PRKAG2: variants seen among roughly 807,000 people sequenced by gnomAD.
PRKAG2 encodes 5'-AMP-activated protein kinase subunit gamma-2.
Under a neutral mutation model 69.6 loss-of-function variants are expected in PRKAG2, and 26 were observed. The ratio of observed to expected loss-of-function variants is 0.37; its 90% CI spans 0.27 to 0.52. The LOEUF (loss-of-function observed/expected upper bound fraction) is 0.52. PRKAG2 is among the 20% of genes least tolerant of loss of function. The pLI, the probability that PRKAG2 is intolerant of heterozygous loss-of-function variation, is 0.90. For missense variants in PRKAG2, 557 were observed against 740.0 expected (o/e 0.75, Z 2.87); for synonymous variants, 293 against 285.0 (o/e 1.03, Z -0.28).
intron 6 of PRKAG2, among the ~76,000 whole-genome samples, chr7:151,586,211 T>C (rs1413420520): frequency 1.3e-5 from 2 of 152,220 alleles, no homozygotes; most frequent in African/African-American, 4.8e-5. Flanking sequence ...GCTCTGCATC[T>C]CATCCTCTGG....
intron 6 of PRKAG2, among the ~76,000 whole-genome samples, chr7:151,581,250 G>A (rs1810404263): frequency 1.3e-5 from 2 of 152,210 alleles, no homozygotes; most frequent in African/African-American, 4.8e-5. Context: ...AGCAGTAACT[G>A]CATGAAATGA....
intron 3 of PRKAG2, among the ~76,000 whole-genome samples, chr7:151,732,196 G>A (rs1425877577): frequency 2.1e-5 from 3 of 145,384 alleles, no homozygotes; most frequent in Non-Finnish European, 4.5e-5. Context: ...GGAGTGCAGT[G>A]GCATGATCAC....
chr7:151,683,974 C>T (rs1834278120), intron 3 of PRKAG2, among the ~76,000 whole-genome samples: 1 of 152,182 alleles, frequency 6.6e-6, no homozygotes, highest in Non-Finnish European at 1.5e-5. Flanking sequence ...TCTGGCCTGG[C>T]TCCTACACCC....
chr7:151,869,086 T>TA (rs34852782), intron 1 of PRKAG2, among the ~76,000 whole-genome samples: 100,053 of 151,742 alleles, frequency 0.66, 33,376 homozygotes, highest in Middle Eastern at 0.8. Flanking sequence ...GAGGTTTTAT[T>TA]GGGGGGGGCA....
At chr7:151,656,006 C>T (rs183657191) in intron 4 of PRKAG2, among the ~76,000 whole-genome samples, 1 of 152,280 alleles carries the variant, frequency 6.6e-6, no homozygotes, top group African/African-American at 2.4e-5. Context: ...TCATTAACAG[C>T]AATACAGCTG....
chr7:151,570,000 T>C (rs1263715871), intron 10 of PRKAG2, among the ~76,000 whole-genome samples, 171 bp downstream of exon 10: 3 of 152,246 alleles, frequency 2.0e-5, no homozygotes, highest in African/African-American at 7.2e-5. Flanking sequence ...GCAACGGCTG[T>C]GATTTTTGTA....
In PRKAG2 at chr7:151,835,603, C is replaced by A. The variant is rs960305538; in HGVS notation, c.114+40904G>T. Among the ~76,000 whole-genome samples, 4 of 152,178 alleles carry A rather than the reference C, an allele frequency of 2.6e-5. No individual in the cohort carries two copies. The highest frequency in any genetic ancestry group is 9.6e-5 in the African/African-American group (4 of 41,454). ...GGGAGCCTTCCTAAAGGCGTAAGCT[C>A]GCCTTTAGGAACCACTCTCGTTGTG... On this transcript the variant is annotated intron_variant, in intron 1 of 15. Coordinates refer to ENST00000287878, the MANE Select transcript of PRKAG2 (RefSeq NM_016203.4). This position sits in a 1 kb window ranked among gnomAD's most constrained non-coding sequence, Gnocchi z 4.1.
rs573166785 is a variant in PRKAG2, at chr7:151,772,941, C to G, written c.466+8211G>C. On this transcript the variant is annotated intron_variant, in intron 3 of 15. Transcript: ENST00000287878. Reference sequence around the variant, plus strand: ...TTGAGGCTCTGCAGTGATTCTGCCACTGTACTCTGGCCTGGATGACAGAGA... The same window carrying G: ...TTGAGGCTCTGCAGTGATTCTGCCAGTGTACTCTGGCCTGGATGACAGAGA... Among the ~76,000 whole-genome samples, 8 of 150,544 alleles carry G rather than the reference C, an allele frequency of 5.3e-5. No individual in the cohort carries two copies. The East Asian group carries it at 1.4e-3, about 26-fold the overall frequency.
intron 3 of PRKAG2, among the ~76,000 whole-genome samples, chr7:151,675,908 A>G (rs1261473080): frequency 6.6e-6 from 1 of 152,172 alleles, no homozygotes; most frequent in Non-Finnish European, 1.5e-5. Context: ...ATGTTGAGGA[A>G]AAGCTTTAAA....
At chr7:151,664,852 T>C (rs1360760959) in intron 4 of PRKAG2, among the ~76,000 whole-genome samples, 1 of 152,198 alleles carries the variant, frequency 6.6e-6, no homozygotes, top group Non-Finnish European at 1.5e-5. Context: ...CTCTCTAGGA[T>C]GGAAAAATTC....
chr7:151,621,498 C>G lies in PRKAG2; in HGVS notation c.754+10571G>C, dbSNP rs576313676. Among the ~76,000 whole-genome samples the G allele has an allele frequency of 3.9e-5, 6 of 152,220 alleles. No individual in the cohort carries two copies. The South Asian group carries it at 1.2e-3, about 32-fold the overall frequency. On this transcript the variant is annotated intron_variant, in intron 5 of 15. Coordinates refer to ENST00000287878, the MANE Select transcript of PRKAG2 (RefSeq NM_016203.4). ...AGGAGTTGCAGACCAACCTGGGTGACAGAGTGAGACCCTGTCACAAAACAA... is the reference window on the plus strand; with the variant it reads ...AGGAGTTGCAGACCAACCTGGGTGAGAGAGTGAGACCCTGTCACAAAACAA...
At chr7:151,747,010 G>T (rs780387054) in intron 3 of PRKAG2, among the ~76,000 whole-genome samples, 3 of 152,160 alleles carry the variant, frequency 2.0e-5, no homozygotes, top group African/African-American at 7.2e-5. Flanking sequence ...AACTTTATTC[G>T]CAGCAAATTG....
At chr7:151,642,252 A>G (rs1190374349) in intron 4 of PRKAG2, among the ~76,000 whole-genome samples, 1 of 151,954 alleles carries the variant, frequency 6.6e-6, no homozygotes, top group Non-Finnish European at 1.5e-5. Context: ...CTGAGGCAGG[A>G]GAATGGTGTG....
intron 3 of PRKAG2, among the ~76,000 whole-genome samples, chr7:151,775,965 A>T (rs542087665): frequency 1.1e-4 from 17 of 152,310 alleles, no homozygotes; most frequent in South Asian, 4.1e-4. Context: ...AAGCAGACAG[A>T]TTTTGCCTCC....
At chr7:151,749,975 T>C (rs937193137) in intron 3 of PRKAG2, among the ~76,000 whole-genome samples, 2 of 150,916 alleles carry the variant, frequency 1.3e-5, no homozygotes, top group African/African-American at 2.4e-5. Flanking sequence ...CACATGCTCA[T>C]AGCCCCAGCT....
chr7:151,863,071 T>A (rs187951582), intron 1 of PRKAG2, among the ~76,000 whole-genome samples: 1 of 133,684 alleles, frequency 7.5e-6, no homozygotes, highest in Admixed American at 7.3e-5. Flanking sequence ...GGTAGATCCC[T>A]GGGTGCAGGG....
chr7:151,618,129 C>G (rs565589362), intron 5 of PRKAG2, among the ~76,000 whole-genome samples: 1 of 152,146 alleles, frequency 6.6e-6, no homozygotes, highest in South Asian at 2.1e-4. Flanking sequence ...CAAGACCAGC[C>G]TAGGCAACAC....
chr7:151,753,890 C>T (rs893232427), intron 3 of PRKAG2, among the ~76,000 whole-genome samples: 9 of 151,986 alleles, frequency 5.9e-5, no homozygotes, highest in Non-Finnish European at 1.3e-4. Flanking sequence ...AAAAATTAGC[C>T]GGGCATGATG....
intron 1 of PRKAG2, among the ~76,000 whole-genome samples, chr7:151,833,977 C>T (rs533591858): frequency 1.3e-5 from 2 of 152,278 alleles, no homozygotes; most frequent in African/African-American, 2.4e-5. Context: ...CGGCCCATGG[C>T]GGGGGCCAGG....
Sources: allele counts gnomAD v4.1 joint callset (sites outside exome capture counted in the v4.1 genomes callset), GRCh38; gene constraint gnomAD v4.1.1; non-coding constraint Gnocchi (gnomAD v3.1); transcripts MANE v1.5; gene names NCBI Gene and HGNC (gene_info 2026-07-23, HGNC 2026-07-21).